NRXN1: variants seen among roughly 807,000 people sequenced by gnomAD.
NRXN1 encodes neurexin-1.
In NRXN1, 39 loss-of-function variants were observed where a neutral mutation model predicts 150.9. The observed-to-expected ratio is 0.26, with a 90% CI of 0.20 to 0.34. The LOEUF (loss-of-function observed/expected upper bound fraction) is 0.34, where lower values mean the gene tolerates loss of function less well. Among genes scored for constraint, NRXN1 ranks in the 10% least tolerant of loss-of-function variants. NRXN1 has a pLI of 1.00. For missense variants in NRXN1, 1,815 were observed against 1,949.9 expected (o/e 0.93, Z 1.30); for synonymous variants, 924 against 757.0 (o/e 1.22, Z -3.62).
At chr2:50,023,661 C>T (rs886188344) in intron 21 of NRXN1, 14 of 152,076 alleles carry the variant, frequency 9.2e-5, no homozygotes, top group African/African-American at 3.4e-4. Flanking sequence ...GGATAATTGC[C>T]ATAGCACAAT....
At position 49,956,862 on chromosome 2, in the gene NRXN1, C is replaced by A. The variant is rs144554010; in HGVS notation, c.4129-13071G>T. On this transcript the variant is annotated intron_variant, in intron 21 of 22. Coordinates refer to ENST00000401669, the MANE Select transcript of NRXN1 (RefSeq NM_001330078.2). ...AGATATCATGAGCCCTGACACTTGACTTTTAGTTCTCCAATTTAAGTTACT... is the reference window on the plus strand; with the variant it reads ...AGATATCATGAGCCCTGACACTTGAATTTTAGTTCTCCAATTTAAGTTACT... Among the ~76,000 whole-genome samples, 23 of 152,198 alleles carry A rather than the reference C, an allele frequency of 1.5e-4. 1 individual carries two copies. The highest frequency in any genetic ancestry group is 2.4e-4 in the Non-Finnish European group (16 of 68,002).
chr2:50,376,943 T>C (rs1382746684), intron 17 of NRXN1, among the ~76,000 whole-genome samples: 1 of 139,166 alleles, frequency 7.2e-6, no homozygotes, highest in Non-Finnish European at 1.5e-5. Flanking sequence ...TTTTTCTTTC[T>C]TTCTTTTTCT....
At chr2:50,232,387 C>CTTTT (rs56846249) in intron 18 of NRXN1, among the ~76,000 whole-genome samples, 10 of 55,224 alleles carry the variant, frequency 1.8e-4, no homozygotes, top group Admixed American at 4.3e-4. Flanking sequence ...CTTTTCTTTT[C>CTTTT]TTTTTTTTTT....
At chr2:50,296,534 T>TATTATTATTATTATTATTATTATC (rs113286816) in intron 17 of NRXN1, among the ~76,000 whole-genome samples, 4 of 150,870 alleles carry the variant, frequency 2.7e-5, no homozygotes, top group East Asian at 3.9e-4. Context: ...TTATTATTAT[T>TATTATTATTATTATTATTATTATC]ATCATTATTA....
intron 5 of NRXN1, among the ~76,000 whole-genome samples, chr2:50,788,947 G>A (rs1408283876): frequency 6.6e-6 from 1 of 152,142 alleles, no homozygotes; most frequent in African/African-American, 2.4e-5. Context: ...TGGATGACAG[G>A]GAGATGGAAA....
chr2:50,680,539 A>T (rs1447426949), intron 5 of NRXN1, among the ~76,000 whole-genome samples: 1 of 152,290 alleles, frequency 6.6e-6, no homozygotes, highest in East Asian at 1.9e-4. Flanking sequence ...GAATAAAAAA[A>T]ATGTCAATCA....
At chr2:50,467,686 AC>A in intron 16 of NRXN1, among the ~76,000 whole-genome samples, 1 of 151,560 alleles carries the variant, frequency 6.6e-6, no homozygotes, top group Non-Finnish European at 1.5e-5. Flanking sequence ...AATAATTGTA[AC>A]AATAATTAAA....
chr2:50,036,673 T>A (rs1690093508), intron 21 of NRXN1, among the ~76,000 whole-genome samples: 1 of 152,172 alleles, frequency 6.6e-6, no homozygotes, highest in Admixed American at 6.6e-5. Context: ...ATTCCTCTCC[T>A]TGAATTTGGG....
At chr2:50,278,229 TTATATATATATAA>T (rs2070828087) in intron 17 of NRXN1, among the ~76,000 whole-genome samples, 8 of 133,910 alleles carry the variant, frequency 6.0e-5, no homozygotes, top group Admixed American at 2.5e-4. Flanking sequence ...CACCTGGCTT[TTATATATATATAA>T]TATATATATA....
At chr2:50,219,969 A>AT (rs1447113440) in intron 18 of NRXN1, among the ~76,000 whole-genome samples, 612 of 54,330 alleles carry the variant, frequency 0.011, 14 homozygotes, top group African/African-American at 0.083. Context: ...TATATTATAT[A>AT]TATATAATAT....
intron 19 of NRXN1, among the ~76,000 whole-genome samples, chr2:50,057,769 C>G (rs989873200): frequency 6.6e-6 from 1 of 152,168 alleles, no homozygotes; most frequent in East Asian, 1.9e-4. Flanking sequence ...AAAGCAAATA[C>G]TAGTGTCCAG....
At chr2:50,248,273 T>C (rs1161319282) in intron 17 of NRXN1, among the ~76,000 whole-genome samples, 1 of 152,162 alleles carries the variant, frequency 6.6e-6, no homozygotes, top group Non-Finnish European at 1.5e-5. Context: ...CCTTGGCCTC[T>C]GAAGTGCTGG....
chr2:50,201,858 G>A lies in NRXN1; in HGVS notation c.3546+34931C>T, dbSNP rs546483633. ...TAGCTTCCAAGGTAGTGCACTTACA[G>A]AGCTAGCATCACATTGTTCTTAGTC... On this transcript the variant is annotated intron_variant, in intron 18 of 22. Coordinates refer to ENST00000401669, the MANE Select transcript of NRXN1 (RefSeq NM_001330078.2). 2.0e-5 allele frequency among the ~76,000 whole-genome samples: 3 copies of A among 152,298 alleles called. No homozygotes were observed. In the South Asian group the frequency reaches 6.2e-4, roughly 32 times the overall value.
At chr2:50,662,481 G>A (rs1687436150) in intron 5 of NRXN1, among the ~76,000 whole-genome samples, 2 of 152,126 alleles carry the variant, frequency 1.3e-5, no homozygotes, top group Middle Eastern at 3.4e-3. Flanking sequence ...TTTAGGGTAA[G>A]CTTCTCCAAC....
chr2:50,382,809 C>A (rs888747350), intron 17 of NRXN1, among the ~76,000 whole-genome samples: 3 of 151,942 alleles, frequency 2.0e-5, no homozygotes, highest in African/African-American at 7.3e-5. Context: ...GTCTCTGAAT[C>A]TTGATTCTAA....
At position 49,921,744 on chromosome 2, in the gene NRXN1, TTTTTG is replaced by T. The variant is rs1411908617; in HGVS notation, c.*195_*199del. 7 of 582,910 alleles carry T rather than the reference TTTTTG, an allele frequency of 1.2e-5. No homozygotes were observed. Among genetic ancestry groups the T allele is most frequent in the Admixed American group, 6.7e-5 (2 of 30,006 alleles). The allele number at this position is 582,910 out of a possible 1,614,324, so 36.1% of individuals were successfully genotyped here. On this transcript the variant is annotated 3_prime_UTR_variant, in exon 23 of 23. Coordinates refer to ENST00000401669, the MANE Select transcript of NRXN1 (RefSeq NM_001330078.2). ...TGTTAGGGAATTTATTGGCCCCTGT[TTTTTG>T]TTTTTTGTTTTTCTTTTTTGAGAAA...
intron 17 of NRXN1, among the ~76,000 whole-genome samples, chr2:50,378,867 T>A (rs561427341): frequency 1.3e-5 from 2 of 152,256 alleles, no homozygotes; most frequent in Admixed American, 1.3e-4. Flanking sequence ...GATAAAGCAA[T>A]CTGACTTCAC....
At chr2:50,403,923 A>T (rs2082567091) in intron 17 of NRXN1, among the ~76,000 whole-genome samples, 1 of 152,100 alleles carries the variant, frequency 6.6e-6, no homozygotes, top group South Asian at 2.1e-4. Context: ...TGCCCTCTGA[A>T]CATAAGACAA....
chr2:50,761,129 T>C (rs1701750113), intron 5 of NRXN1, among the ~76,000 whole-genome samples: 1 of 152,002 alleles, frequency 6.6e-6, no homozygotes, highest in Non-Finnish European at 1.5e-5. Flanking sequence ...TTGAGTAGGC[T>C]ACCATTCCCG....
Sources: allele counts gnomAD v4.1 joint callset (sites outside exome capture counted in the v4.1 genomes callset), GRCh38; gene constraint gnomAD v4.1.1; transcripts MANE v1.5; gene names NCBI Gene and HGNC (gene_info 2026-07-23, HGNC 2026-07-21).